The following TNRC18 variants were observed in gnomAD, a reference collection of about 807,000 sequenced individuals.
TNRC18 encodes the protein trinucleotide repeat containing 18, also known as trinucleotide repeat-containing gene 18 protein.
In TNRC18, 69 loss-of-function variants were observed where a neutral mutation model predicts 226.7. The observed-to-expected ratio is 0.30, with a 90% confidence interval of 0.25 to 0.37. The LOEUF (loss-of-function observed/expected upper bound fraction) is 0.37. Ranked by LOEUF, TNRC18 falls within the 10% of genes least tolerant of loss-of-function variation. The pLI is 1.00. For synonymous variants in TNRC18, 2,449 were observed against 1,927.6 expected, an observed-to-expected ratio of 1.27 and a Z score of -7.09; for missense variants, 4,754 against 4,256.6, an observed-to-expected ratio of 1.12 and a Z score of -3.25.
chr7:5,384,098 G>A (rs1779587702), intron 5 of TNRC18, among the ~76,000 whole-genome samples: 1 of 151,220 alleles, frequency 6.6e-6, no homozygotes, highest in South Asian at 2.1e-4. Flanking sequence ...TCAAGTAGCT[G>A]GGATTACAGG....
intron 21 of TNRC18, among the ~76,000 whole-genome samples, chr7:5,323,730 G>C (rs1788617810): frequency 6.6e-6 from 1 of 151,968 alleles, no homozygotes; most frequent in Non-Finnish European, 1.5e-5. Flanking sequence ...ACCACACCCA[G>C]CTAATTTTTG....
chr7:5,395,579 G>A (rs1272640150), intron 2 of TNRC18, among the ~76,000 whole-genome samples: 1 of 152,274 alleles, frequency 6.6e-6, no homozygotes, highest in Non-Finnish European at 1.5e-5. Context: ...AGAGAAGCAT[G>A]CAGGCCCTGG....
intron 18 of TNRC18, among the ~76,000 whole-genome samples, chr7:5,340,992 A>G (rs946408852): frequency 2.0e-5 from 3 of 152,202 alleles, no homozygotes; most frequent in Non-Finnish European, 4.4e-5. Context: ...TTCAAAGGAC[A>G]GCCCGACTTT....
rs369636346 is a variant in TNRC18 at position 5,312,911 on chromosome 7, G to T, written c.7980C>A (p.Ser2660=). 2.6e-5 allele frequency: 39 copies of T among 1,501,268 alleles called. No homozygotes were observed. In the South Asian group the frequency reaches 5.0e-4, roughly 19 times the overall value. 93.0% of individuals were successfully genotyped at this position (1,501,268 alleles called of 1,614,324 possible). Residue 2660 remains serine (S), a synonymous_variant, in exon 27 of 30, where the codon TCC becomes TCA. Transcript: ENST00000430969. The surrounding 1 kb of genome is among the most constrained non-coding windows in gnomAD (Gnocchi z 6.3). ...SSSSSSSSSS[S]SSSSSSSSSS... Reference sequence around the variant, plus strand: ...AAGAGGAGGAAGAGGAGGAGGAGGAGGAGGATGAGGACGAGGAAGAGGAGG... The same window carrying T: ...AAGAGGAGGAAGAGGAGGAGGAGGATGAGGATGAGGACGAGGAAGAGGAGG...
intron 5 of TNRC18, among the ~76,000 whole-genome samples, chr7:5,382,507 A>G (rs969682553): frequency 3.3e-5 from 5 of 152,174 alleles, no homozygotes; most frequent in African/African-American, 1.2e-4. Flanking sequence ...CTCTCTGAGC[A>G]GTTCCAGATA....
chr7:5,402,143 T>C (rs1393022952), intron 2 of TNRC18, among the ~76,000 whole-genome samples: 3 of 136,042 alleles, frequency 2.2e-5, no homozygotes, highest in Non-Finnish European at 4.5e-5. Context: ...CATGCCACTG[T>C]ACTCCAGCCT....
intron 2 of TNRC18, among the ~76,000 whole-genome samples, chr7:5,408,674 G>A (rs1348831536): frequency 6.6e-6 from 1 of 152,152 alleles, no homozygotes; most frequent in Non-Finnish European, 1.5e-5. Flanking sequence ...CCATTTGGAA[G>A]CAAGAAAGCA....
intron 20 of TNRC18, 60 bp downstream of exon 20, chr7:5,325,036 T>C: frequency 6.5e-7 from 1 of 1,535,174 alleles, no homozygotes; most frequent in South Asian, 1.2e-5. Flanking sequence ...CCCCCTGCCC[T>C]GACCACAGGA....
intron 19 of TNRC18, among the ~76,000 whole-genome samples, chr7:5,329,458 C>G (rs979071479): frequency 1.3e-5 from 2 of 151,736 alleles, no homozygotes; most frequent in African/African-American, 4.8e-5. Flanking sequence ...CTGAGGTGGG[C>G]AGATCATTTG....
intron 29 of TNRC18, among the ~76,000 whole-genome samples, chr7:5,308,572 A>G (rs1786835733): frequency 1.3e-5 from 2 of 152,262 alleles, no homozygotes; most frequent in East Asian, 1.9e-4. Flanking sequence ...ATCGAGAGAG[A>G]CCCAGAGAGA....
intron 5 of TNRC18, 102 bp from the exon 6 acceptor site, chr7:5,378,126 C>T (rs1779134995): frequency 3.4e-6 from 3 of 885,224 alleles, no homozygotes; most frequent in Non-Finnish European, 5.3e-6. Flanking sequence ...CCCAGAGCCC[C>T]GACGGTCCTG....
chr7:5,328,610 G>A (rs1002500703), intron 19 of TNRC18, among the ~76,000 whole-genome samples: 2 of 151,790 alleles, frequency 1.3e-5, no homozygotes, highest in Non-Finnish European at 2.9e-5. Context: ...CTGGGTTCGA[G>A]CGATTCTTCT....
intron 19 of TNRC18, among the ~76,000 whole-genome samples, chr7:5,326,155 T>G (rs10233693): frequency 2.0e-5 from 3 of 151,912 alleles, no homozygotes; most frequent in Admixed American, 6.6e-5. Flanking sequence ...CAGCTACTAG[T>G]AACAGCATGG....
rs1794100110 is a variant in TNRC18, at chr7:5,371,037, G to A, written c.3557C>T (p.Ala1186Val). The change falls in exon 11 of 30, where the codon GCC (alanine) becomes GTC (valine). Residue 1186 changes from alanine (A) to valine (V), a missense_variant. Transcript: ENST00000430969. Reference protein sequence around the residue: ...ESPLPLPAAEAMATPSPAGGC... With the variant: ...ESPLPLPAAEVMATPSPAGGC... ...CCCTGCAGGGCTGGGGGTAGCCATG[G>A]CTTCCGCGGCGGGCAGTGGCAGCGG... 1 of 1,609,872 alleles carries A rather than the reference G, an allele frequency of 6.2e-7. No homozygotes were observed. Among genetic ancestry groups the A allele is most frequent in the Admixed American group, 1.7e-5 (1 of 59,980 alleles).
intron 3 of TNRC18, among the ~76,000 whole-genome samples, chr7:5,393,386 G>GT (rs1780437518): frequency 1.3e-5 from 2 of 152,260 alleles, no homozygotes; most frequent in African/African-American, 4.8e-5. Flanking sequence ...GCAAAGTACT[G>GT]TAAGGACTGG....
At chr7:5,332,352 G>A (rs533951757) in intron 19 of TNRC18, among the ~76,000 whole-genome samples, 2 of 152,306 alleles carry the variant, frequency 1.3e-5, no homozygotes, top group East Asian at 3.9e-4. Flanking sequence ...AGGACTGCTA[G>A]AGGCCAGGAG....
chr7:5,322,322 A>G (rs369802625), intron 21 of TNRC18, among the ~76,000 whole-genome samples: 12 of 137,410 alleles, frequency 8.7e-5, no homozygotes, highest in African/African-American at 2.6e-4. Flanking sequence ...TGTCAGAGAC[A>G]AGGTCTTGCT....
intron 27 of TNRC18, among the ~76,000 whole-genome samples, chr7:5,311,203 T>TGC (rs1787171945): frequency 2.0e-5 from 3 of 151,976 alleles, no homozygotes; most frequent in African/African-American, 4.8e-5. Flanking sequence ...TGTGCGTGTG[T>TGC]GTGTGCATGT....
At chr7:5,326,217 G>C (rs991953936) in intron 19 of TNRC18, among the ~76,000 whole-genome samples, 4 of 151,624 alleles carry the variant, frequency 2.6e-5, no homozygotes, top group African/African-American at 9.7e-5. Context: ...AAATATGAAG[G>C]CTACGCAGAC....
Sources: allele counts gnomAD v4.1 joint callset (sites outside exome capture counted in the v4.1 genomes callset), GRCh38; gene constraint gnomAD v4.1.1; non-coding constraint Gnocchi (gnomAD v3.1); transcripts MANE v1.5; gene names NCBI Gene and HGNC (gene_info 2026-07-23, HGNC 2026-07-21).